EBF1: variants seen among roughly 807,000 people sequenced by gnomAD.
EBF1 encodes EBF transcription factor 1, also known as transcription factor COE1.
A neutral mutation model predicts 68.4 loss-of-function variants in EBF1; 10 were observed. That is an observed-to-expected ratio of 0.15 (90% CI 0.09 to 0.25). The LOEUF (loss-of-function observed/expected upper bound fraction) is 0.25. Ranked by LOEUF, EBF1 falls within the 10% of genes least tolerant of loss-of-function variation. The pLI, the probability that EBF1 is intolerant of heterozygous loss-of-function variation, is 1.00. For missense variants in EBF1, 509 were observed against 794.4 expected (o/e 0.64, Z 4.32); for synonymous variants, 298 against 299.8 (o/e 0.99, Z 0.06).
At chr5:159,081,059 C>T (rs977209872) in intron 5 of EBF1, among the ~76,000 whole-genome samples, 1 of 152,186 alleles carries the variant, frequency 6.6e-6, no homozygotes, top group Admixed American at 6.5e-5. Context: ...GGGCTCACTG[C>T]AGCCTGGATC....
intron 6 of EBF1, among the ~76,000 whole-genome samples, chr5:158,910,031 C>T (rs1805602616): frequency 7.0e-6 from 1 of 142,506 alleles, no homozygotes; most frequent in South Asian, 2.4e-4. Flanking sequence ...CAGATTTTAG[C>T]ATTTTTAATA....
chr5:158,927,123 G>A (rs921277113), intron 6 of EBF1, among the ~76,000 whole-genome samples: 3 of 152,224 alleles, frequency 2.0e-5, no homozygotes, highest in Admixed American at 2.0e-4. Flanking sequence ...TATTACTGTG[G>A]ACAAATTACT....
intron 6 of EBF1, among the ~76,000 whole-genome samples, chr5:158,955,699 T>C (rs1469664168): frequency 6.6e-6 from 1 of 152,342 alleles, no homozygotes; most frequent in Middle Eastern, 3.4e-3. Flanking sequence ...GGACGCATCA[T>C]TTCTGATCTA....
At chr5:159,093,511 TTC>T (rs1054319572) in intron 4 of EBF1, among the ~76,000 whole-genome samples, 1 of 152,026 alleles carries the variant, frequency 6.6e-6, no homozygotes, top group Non-Finnish European at 1.5e-5. Flanking sequence ...CTCTCTCTCT[TTC>T]TCTCTCTCTT....
intron 6 of EBF1, among the ~76,000 whole-genome samples, chr5:158,853,128 G>C (rs764632172): frequency 7.2e-5 from 11 of 152,060 alleles, no homozygotes; most frequent in Non-Finnish European, 1.5e-4. Context: ...AGTCTGAATT[G>C]ACTGCCAGAA....
chr5:159,022,001 GT>G (rs1766780367), intron 6 of EBF1, among the ~76,000 whole-genome samples: 1 of 137,718 alleles, frequency 7.3e-6, no homozygotes, highest in Non-Finnish European at 1.5e-5. Flanking sequence ...TGCAATAAGT[GT>G]CTTCAGTTAA....
At chr5:158,943,000 A>G (rs1303395204) in intron 6 of EBF1, among the ~76,000 whole-genome samples, 15 of 111,578 alleles carry the variant, frequency 1.3e-4, no homozygotes, top group African/African-American at 5.2e-4. Context: ...GAAGGGAGGA[A>G]GGGAGGAAAG....
chr5:158,810,248 C>T (rs547371773), intron 8 of EBF1, among the ~76,000 whole-genome samples: 5 of 152,278 alleles, frequency 3.3e-5, no homozygotes, highest in East Asian at 1.9e-4. Flanking sequence ...CACCAGCCCA[C>T]GGATAATACA....
chr5:158,879,795 G>A (rs1798513312), intron 6 of EBF1, among the ~76,000 whole-genome samples: 1 of 152,182 alleles, frequency 6.6e-6, no homozygotes, highest in African/African-American at 2.4e-5. Context: ...CCCAGCCCTG[G>A]AGTAGCCCCG....
intron 9 of EBF1, among the ~76,000 whole-genome samples, chr5:158,785,030 TA>T (rs1777149429): frequency 6.6e-6 from 1 of 152,206 alleles, no homozygotes; most frequent in African/African-American, 2.4e-5. Flanking sequence ...ATTAATTTTT[TA>T]ATTTATGTAT....
At chr5:158,729,712 G>A (rs1430427143) in intron 11 of EBF1, among the ~76,000 whole-genome samples, 3 of 152,208 alleles carry the variant, frequency 2.0e-5, no homozygotes, top group African/African-American at 7.2e-5. Context: ...GAAAGGGAAG[G>A]ACAGCACTTC....
intron 10 of EBF1, among the ~76,000 whole-genome samples, chr5:158,737,440 C>T (rs1225433185): frequency 6.6e-6 from 1 of 151,720 alleles, no homozygotes; most frequent in African/African-American, 2.4e-5. Flanking sequence ...CCCACCACCA[C>T]GCCCAGCTAA....
At chr5:158,715,056 T>C (rs1473946396) in intron 11 of EBF1, among the ~76,000 whole-genome samples, 2 of 152,190 alleles carry the variant, frequency 1.3e-5, no homozygotes, top group African/African-American at 4.8e-5. Context: ...TCTTCATTTT[T>C]CCCTAATTTT....
intron 6 of EBF1, among the ~76,000 whole-genome samples, chr5:159,051,623 G>A (rs1429777890): frequency 6.6e-6 from 1 of 151,694 alleles, no homozygotes; most frequent in Non-Finnish European, 1.5e-5. Flanking sequence ...AGTGCGCTCG[G>A]CACCAGGGCT....
intron 10 of EBF1, among the ~76,000 whole-genome samples, chr5:158,745,371 G>A (rs774096909): frequency 2.0e-5 from 3 of 152,156 alleles, no homozygotes; most frequent in African/African-American, 4.8e-5. Flanking sequence ...CTACTGTGAC[G>A]ATAAAAACCA....
intron 5 of EBF1, among the ~76,000 whole-genome samples, chr5:159,080,269 A>AGGAAATACTT (rs1779513454): frequency 6.6e-6 from 1 of 152,116 alleles, no homozygotes. Context: ...CCCAACTACA[A>AGGAAATACTT]GTATTTCCTC....
chr5:159,012,268 A>T (rs193010962), intron 6 of EBF1, among the ~76,000 whole-genome samples: 340 of 151,716 alleles, frequency 2.2e-3, no homozygotes, highest in African/African-American at 6.9e-3. Flanking sequence ...GCCTGGCAAC[A>T]GAGACAGACT....
chr5:158,701,726 G>T (rs1561669776), intron 15 of EBF1, among the ~76,000 whole-genome samples: 1 of 152,128 alleles, frequency 6.6e-6, no homozygotes, highest in Non-Finnish European at 1.5e-5. Flanking sequence ...TTTAGACTTT[G>T]TTTTTTTAAA....
At chr5:158,923,077 G>A (rs1253349017) in intron 6 of EBF1, among the ~76,000 whole-genome samples, 1 of 152,234 alleles carries the variant, frequency 6.6e-6, no homozygotes, top group Non-Finnish European at 1.5e-5. Flanking sequence ...GGAGCCCGAA[G>A]GCCTTGGGGC....
Sources: allele counts gnomAD v4.1 joint callset (sites outside exome capture counted in the v4.1 genomes callset), GRCh38; gene constraint gnomAD v4.1.1; transcripts MANE v1.5; gene names NCBI Gene and HGNC (gene_info 2026-07-23, HGNC 2026-07-21).